The following EYS variants were observed in gnomAD, a reference collection of about 807,000 sequenced individuals.
EYS encodes the protein protein eyes shut homolog.
EYS carries 250 observed loss-of-function variants against 282.1 expected under a neutral mutation model. That is an observed-to-expected ratio of 0.89 (90% CI 0.80 to 0.98). EYS has a LOEUF of 0.98. EYS is among the 50% of genes least tolerant of loss of function. The probability of loss-of-function intolerance (pLI) is 0.00; values close to 1 mark genes in which losing one functional copy is unlikely to be tolerated. For synonymous variants in EYS, 1,355 were observed against 1,282.9 expected, an observed-to-expected ratio of 1.06 and a Z score of -1.20; for missense variants, 4,016 against 3,709.0, an observed-to-expected ratio of 1.08 and a Z score of -2.15.
At position 64,886,803 on chromosome 6, in the gene EYS, G is replaced by T. The variant is rs766153322; in HGVS notation, c.2886C>A (p.Phe962Leu). The change falls in exon 19 of 43, where the codon TTC (phenylalanine) becomes TTA (leucine). Residue 962 changes from phenylalanine (F) to leucine (L), a missense_variant. Transcript: ENST00000503581. Reference sequence around the variant, plus strand: ...TACATTTATTTACATCAAGTTCACAGAAGGGCCCATGGTACTCAGGTTCAC... The same window carrying T: ...TACATTTATTTACATCAAGTTCACATAAGGGCCCATGGTACTCAGGTTCAC... ...CNCEPEYHGP[F>L]CELDVNKCKI... 4 of 1,546,280 alleles carry T rather than the reference G, an allele frequency of 2.6e-6. No homozygotes were observed. Among genetic ancestry groups the T allele is most frequent in the Non-Finnish European group, 3.5e-6 (4 of 1,143,900 alleles).
intron 2 of EYS, among the ~76,000 whole-genome samples, chr6:65,545,539 G>A (rs1768353404): frequency 2.6e-5 from 4 of 152,056 alleles, no homozygotes; most frequent in Non-Finnish European, 5.9e-5. Context: ...TGGGATCAAA[G>A]AGTATATTAT....
intron 12 of EYS, among the ~76,000 whole-genome samples, chr6:65,167,974 G>A (rs552574752): frequency 6.6e-6 from 1 of 151,278 alleles, no homozygotes; most frequent in East Asian, 2.0e-4. Context: ...TATTTTTACA[G>A]CTTGTCAATC....
chr6:64,558,271 CTT>C (rs1340819062), intron 26 of EYS, among the ~76,000 whole-genome samples: 4 of 152,114 alleles, frequency 2.6e-5, no homozygotes, highest in South Asian at 2.1e-4. Flanking sequence ...TAAAAATACT[CTT>C]ATACTTTTGC....
At chr6:64,288,764 T>C (rs1768591444) in intron 30 of EYS, among the ~76,000 whole-genome samples, 1 of 152,114 alleles carries the variant, frequency 6.6e-6, no homozygotes, top group African/African-American at 2.4e-5. Context: ...TATCTGCTGA[T>C]GTTATCCACT....
intron 2 of EYS, among the ~76,000 whole-genome samples, chr6:65,615,882 T>C (rs1243412793): frequency 2.0e-5 from 3 of 149,972 alleles, no homozygotes; most frequent in East Asian, 2.0e-4. Context: ...TGCAGTGAGC[T>C]GAGATCGCAC....
At position 65,310,224 on chromosome 6, in the gene EYS, A is replaced by C. The variant is rs146016208; in HGVS notation, c.1767-14105T>G. ...TCAGGCAAGGTGGCATGTGCCTGTA[A>C]TCCCAGCTACTCGGGAGGCTGAGGC... On this transcript the variant is annotated intron_variant, in intron 11 of 42. Transcript: ENST00000503581. Among the ~76,000 whole-genome samples the C allele has an allele frequency of 9.1e-3, 1,390 of 152,170 alleles. 6 individuals carry two copies. Among genetic ancestry groups the C allele is most frequent in the Non-Finnish European group, 0.013 (886 of 68,000 alleles).
chr6:65,063,648 A>C (rs1207951137), intron 12 of EYS, among the ~76,000 whole-genome samples: 1 of 152,094 alleles, frequency 6.6e-6, no homozygotes, highest in African/African-American at 2.4e-5. Flanking sequence ...TAGAAATCTA[A>C]AGTTAAAGGA....
chr6:64,340,716 A>G (rs1274737199), intron 29 of EYS, among the ~76,000 whole-genome samples: 2 of 151,898 alleles, frequency 1.3e-5, no homozygotes, highest in Non-Finnish European at 2.9e-5. Context: ...AAAACTGATA[A>G]GTGAGGCCTA....
At chr6:63,852,025 C>T (rs943646080) in intron 36 of EYS, among the ~76,000 whole-genome samples, 9 of 151,288 alleles carry the variant, frequency 5.9e-5, no homozygotes, top group African/African-American at 9.7e-5. Context: ...GGCGTAGTGG[C>T]GGGCACCTGT....
At chr6:64,916,478 C>T (rs928401769) in intron 15 of EYS, among the ~76,000 whole-genome samples, 1 of 152,194 alleles carries the variant, frequency 6.6e-6, no homozygotes, top group African/African-American at 2.4e-5. Flanking sequence ...AAAGTCACTA[C>T]TAGTGACTAA....
Position 64,897,695 on chromosome 6 carries a change from C to A in EYS, c.2846+4418G>T, listed in dbSNP as rs9342452. On this transcript the variant is annotated intron_variant, in intron 18 of 42. Transcript: ENST00000503581. ...CATGTTCTAACCCAATGCAAGGAAG[C>A]TAAGAACCTTGATAAAATGTTAGAG... is the stretch of plus-strand genomic sequence containing the variant. Among the ~76,000 whole-genome samples the A allele has an allele frequency of 8.5e-4, 130 of 152,224 alleles. 4 individuals are homozygous for A. The East Asian group carries it at 0.024, about 28-fold the overall frequency.
chr6:65,003,520 G>A lies in EYS; in HGVS notation c.2138-5817C>T, dbSNP rs2150128835. On this transcript the variant is annotated intron_variant, in intron 13 of 42. Coordinates refer to ENST00000503581, the MANE Select transcript of EYS (RefSeq NM_001142800.2). ...TTGCCTTGTGATATTCTATTACCTT[G>A]TAAAGTACTTGATGTCTGTGACCCA... Among the ~76,000 whole-genome samples, 2 of 147,302 alleles carry A rather than the reference G, an allele frequency of 1.4e-5. 1 individual carries two copies. The highest frequency in any genetic ancestry group is 4.3e-4 in the East Asian group (2 of 4,662).
intron 8 of EYS, among the ~76,000 whole-genome samples, chr6:65,356,156 A>T (rs1280801239): frequency 6.6e-6 from 1 of 152,068 alleles, no homozygotes; most frequent in African/African-American, 2.4e-5. Flanking sequence ...ACAATGGAAT[A>T]CTATTTAGCA....
chr6:64,950,481 A>G (rs991158511), intron 14 of EYS, among the ~76,000 whole-genome samples: 1 of 151,758 alleles, frequency 6.6e-6, no homozygotes, highest in African/African-American at 2.4e-5. Flanking sequence ...ACATAAATTT[A>G]GATAGTCGAA....
At chr6:64,095,059 C>G (rs560607731) in intron 31 of EYS, among the ~76,000 whole-genome samples, 3,093 of 152,060 alleles carry the variant, frequency 0.02, 128 homozygotes, top group African/African-American at 0.07. Flanking sequence ...TGTGGTTGAG[C>G]GGTTTTGAGT....
chr6:63,906,770 CTG>C (rs1773788885), intron 35 of EYS, among the ~76,000 whole-genome samples: 1 of 152,000 alleles, frequency 6.6e-6, no homozygotes, highest in Admixed American at 6.6e-5. Context: ...GAGGGTAAAA[CTG>C]TTCCCAAGGA....
chr6:64,156,672 G>A (rs141331040), intron 31 of EYS, among the ~76,000 whole-genome samples: 1,764 of 152,226 alleles, frequency 0.012, 36 homozygotes, highest in African/African-American at 0.04. Flanking sequence ...TGGAGATGAG[G>A]AACTTGTTGG....
rs187270238 is a variant in EYS, at chr6:65,599,210, G to A, written c.-333+40568C>T. Among the ~76,000 whole-genome samples, 117 of 152,038 alleles carry A rather than the reference G, an allele frequency of 7.7e-4. 1 individual carries two copies. The highest frequency in any genetic ancestry group is 1.5e-3 in the Non-Finnish European group (101 of 67,990). On this transcript the variant is annotated intron_variant, in intron 2 of 42. Coordinates refer to ENST00000503581, the MANE Select transcript of EYS (RefSeq NM_001142800.2). ...GAATGAGGAACCCACCTATAGTGAT[G>A]GCCAACTGTAATTATTGAAAAAAAT... is the stretch of plus-strand genomic sequence containing the variant.
chr6:64,029,518 G>A (rs188074930), intron 33 of EYS, among the ~76,000 whole-genome samples: 14 of 152,206 alleles, frequency 9.2e-5, no homozygotes, highest in Non-Finnish European at 1.6e-4. Flanking sequence ...TTTCAAAAAT[G>A]CACGTGTGTG....
Sources: allele counts gnomAD v4.1 joint callset (sites outside exome capture counted in the v4.1 genomes callset), GRCh38; gene constraint gnomAD v4.1.1; transcripts MANE v1.5; gene names NCBI Gene and HGNC (gene_info 2026-07-23, HGNC 2026-07-21).